Variants in DMXL1 observed in about 807,000 individuals in gnomAD.
The protein encoded by DMXL1 is Dmx like 1.
A neutral mutation model predicts 319.2 loss-of-function variants in DMXL1; 99 were observed. That is an observed-to-expected ratio of 0.31 (90% CI 0.26 to 0.37). The LOEUF (loss-of-function observed/expected upper bound fraction) is 0.37, where lower values mean the gene tolerates loss of function less well. Among genes scored for constraint, DMXL1 ranks in the 10% least tolerant of loss-of-function variants. The pLI, the probability that DMXL1 is intolerant of heterozygous loss-of-function variation, is 1.00. For synonymous variants in DMXL1, 1,385 were observed against 1,235.2 expected, an observed-to-expected ratio of 1.12 and a Z score of -2.54; for missense variants, 3,745 against 3,595.6, an observed-to-expected ratio of 1.04 and a Z score of -1.06.
At chr5:119,121,761 A>G (rs538660680) in intron 9 of DMXL1, among the ~76,000 whole-genome samples, 2 of 152,294 alleles carry the variant, frequency 1.3e-5, no homozygotes, top group East Asian at 1.9e-4. Context: ...CAAAACCGCC[A>G]TTGTCATCCT....
At chr5:119,165,705 GGCA>G (rs1447800903) in intron 21 of DMXL1, among the ~76,000 whole-genome samples, 7 of 152,212 alleles carry the variant, frequency 4.6e-5, no homozygotes, top group Non-Finnish European at 1.0e-4. Flanking sequence ...TGTCTCACAT[GGCA>G]GCAGACAAGA....
In DMXL1 at chr5:119,127,979, A is replaced by G. The variant is rs373865051; in HGVS notation, c.1103-1232A>G. The G allele has an allele frequency of 4.6e-4, 184 of 397,324 alleles. 1 individual carries two copies. The highest frequency in any genetic ancestry group is 3.7e-3 in the African/African-American group (174 of 47,606). The allele number at this position is 397,324 out of a possible 1,614,324, so 24.6% of individuals were successfully genotyped here. A position where few individuals can be genotyped will look rare whatever the true frequency, so the allele number is the denominator to read the frequency against. ...GTCCTGAAGGAGAAATGAAGTATAA[A>G]CAACCCTGCACCCTGTTATGAGGCA... On this transcript the variant is annotated intron_variant, in intron 9 of 43. Coordinates refer to ENST00000539542, the MANE Select transcript of DMXL1 (RefSeq NM_001290321.3).
chr5:119,227,412 C>G lies in DMXL1; in HGVS notation c.8338+2643C>G, dbSNP rs368684871. On this transcript the variant is annotated intron_variant, in intron 38 of 43. Coordinates refer to ENST00000539542, the MANE Select transcript of DMXL1 (RefSeq NM_001290321.3). ...AATCTCAGATAAGATTTTTAAAAACCTCTTGAGGCTCAGAAGTCAAGCCAA... is the reference window on the plus strand; with the variant it reads ...AATCTCAGATAAGATTTTTAAAAACGTCTTGAGGCTCAGAAGTCAAGCCAA... Among the ~76,000 whole-genome samples the G allele has an allele frequency of 7.9e-5, 12 of 152,136 alleles. No homozygotes were observed. In the East Asian group the frequency reaches 1.9e-3, roughly 24 times the overall value.
intron 1 of DMXL1, among the ~76,000 whole-genome samples, chr5:119,082,029 AC>A (rs1561535793): frequency 1.9e-5 from 2 of 104,572 alleles, no homozygotes; most frequent in South Asian, 7.1e-4. Flanking sequence ...ATACACACAC[AC>A]ACACACACAC....
rs548667481 is a variant in DMXL1 at position 119,123,527 on chromosome 5, C to G, written c.1102+2388C>G. 6.6e-5 allele frequency among the ~76,000 whole-genome samples: 10 copies of G among 152,072 alleles called. 1 individual carries two copies. The East Asian group carries it at 1.2e-3, about 18-fold the overall frequency. ...GCTCACTGATTTCTGTTTGTTTGCCCTTTAAGGCCATGACTTGACTTGTGA... is the reference window on the plus strand; with the variant it reads ...GCTCACTGATTTCTGTTTGTTTGCCGTTTAAGGCCATGACTTGACTTGTGA... On this transcript the variant is annotated intron_variant, in intron 9 of 43. Transcript: ENST00000539542.
At chr5:119,192,210 A>C (rs1156904162) in intron 29 of DMXL1, among the ~76,000 whole-genome samples, 1 of 152,190 alleles carries the variant, frequency 6.6e-6, no homozygotes, top group East Asian at 1.9e-4. Flanking sequence ...GTTACAGATC[A>C]ATTACATTTG....
chr5:119,208,406 G>T (rs564782407), intron 34 of DMXL1, among the ~76,000 whole-genome samples: 2 of 152,080 alleles, frequency 1.3e-5, no homozygotes, highest in African/African-American at 4.8e-5. Context: ...TAGAGACAGG[G>T]TTTCTCCATG....
At chr5:119,124,598 G>T (rs1014615672) in intron 9 of DMXL1, among the ~76,000 whole-genome samples, 31 of 120,168 alleles carry the variant, frequency 2.6e-4, no homozygotes, top group Admixed American at 1.2e-3. Context: ...ACAGAGTCTT[G>T]CTCTGTCGCC....
intron 19 of DMXL1, among the ~76,000 whole-genome samples, chr5:119,153,228 C>T (rs984029416): frequency 4.6e-5 from 7 of 152,166 alleles, no homozygotes; most frequent in African/African-American, 1.2e-4. Flanking sequence ...CCACCTGCCT[C>T]GGCCTCCCAA....
intron 10 of DMXL1, among the ~76,000 whole-genome samples, chr5:119,130,622 C>A (rs559073611): frequency 1.3e-5 from 2 of 152,274 alleles, no homozygotes; most frequent in East Asian, 1.9e-4. Flanking sequence ...GGATTACAGG[C>A]GTGAGACACC....
chr5:119,197,984 G>C (rs1561854946), intron 32 of DMXL1, 28 bp downstream of exon 32: 1 of 1,608,062 alleles, frequency 6.2e-7, no homozygotes, highest in Non-Finnish European at 8.5e-7. Context: ...TGCTATTTGG[G>C]TTTTTTTGTT....
intron 1 of DMXL1, among the ~76,000 whole-genome samples, chr5:119,084,979 A>G (rs111829071): frequency 0.03 from 4,492 of 152,004 alleles, 203 homozygotes; most frequent in African/African-American, 0.1. Context: ...GTCTGCATCA[A>G]TTTCTTTCAT....
At chr5:119,240,206 G>A (rs1308571300) in intron 41 of DMXL1, among the ~76,000 whole-genome samples, 1 of 152,160 alleles carries the variant, frequency 6.6e-6, no homozygotes, top group Non-Finnish European at 1.5e-5. Context: ...CCAGAAGGTC[G>A]AGGCTGCAGT....
chr5:119,096,596 G>A lies in DMXL1; in HGVS notation c.88-1383G>A, dbSNP rs374235504. 9.3e-4 allele frequency among the ~76,000 whole-genome samples: 142 copies of A among 152,284 alleles called. 1 individual carries two copies. The highest frequency in any genetic ancestry group is 3.2e-3 in the African/African-American group (135 of 41,558). ...GTGTTAGATGTCTTATTGTTGTAAC[G>A]TGTGCCAGTCTATAATATGAATCCT... On this transcript the variant is annotated intron_variant, in intron 1 of 43. Coordinates refer to ENST00000539542, the MANE Select transcript of DMXL1 (RefSeq NM_001290321.3).
intron 38 of DMXL1, among the ~76,000 whole-genome samples, chr5:119,230,694 A>T (rs1324719803): frequency 6.6e-6 from 1 of 152,178 alleles, no homozygotes; most frequent in Non-Finnish European, 1.5e-5. Flanking sequence ...CAACCTGGCT[A>T]ACATGGTAAA....
chr5:119,233,293 A>G, intron 38 of DMXL1, 47 bp from the exon 39 acceptor site: 1 of 1,583,086 alleles, frequency 6.3e-7, no homozygotes, highest in Non-Finnish European at 8.6e-7. Context: ...AACTTTTCCC[A>G]AAGATTCTTG....
intron 1 of DMXL1, among the ~76,000 whole-genome samples, chr5:119,076,092 C>A (rs1161607648): frequency 6.6e-6 from 1 of 151,734 alleles, no homozygotes; most frequent in Admixed American, 6.6e-5. Flanking sequence ...AAAGATTGTA[C>A]CAATATATAA....
chr5:119,197,991 T>A, intron 32 of DMXL1, 35 bp downstream of exon 32: 1 of 1,602,822 alleles, frequency 6.2e-7, no homozygotes, highest in Non-Finnish European at 8.5e-7. Context: ...TGGGTTTTTT[T>A]GTTTGTTTGT....
intron 9 of DMXL1, among the ~76,000 whole-genome samples, chr5:119,122,849 A>G: frequency 6.6e-6 from 1 of 150,634 alleles, no homozygotes; most frequent in East Asian, 2.0e-4. Context: ...GGCTCCTCAC[A>G]TCCCAGACGA....
Sources: allele counts gnomAD v4.1 joint callset (sites outside exome capture counted in the v4.1 genomes callset), GRCh38; gene constraint gnomAD v4.1.1; transcripts MANE v1.5; gene names NCBI Gene and HGNC (gene_info 2026-07-23, HGNC 2026-07-21).